Variants in SNX29 observed in about 807,000 individuals in gnomAD.
The protein encoded by SNX29 is sorting nexin 29, also known as sorting nexin-29.
Under a neutral mutation model 102.1 loss-of-function variants are expected in SNX29, and 78 were observed. That is an observed-to-expected ratio of 0.76 (90% CI 0.64 to 0.92). SNX29 has a LOEUF of 0.92. SNX29 is among the 40% of genes least tolerant of loss of function. SNX29 has a pLI of 0.00. For missense variants in SNX29, 1,280 were observed against 1,061.7 expected (o/e 1.21, Z -2.86); for synonymous variants, 580 against 414.5 (o/e 1.40, Z -4.85).
intron 15 of SNX29, among the ~76,000 whole-genome samples, chr16:12,330,578 G>A (rs1265264742): frequency 6.6e-6 from 1 of 152,212 alleles, no homozygotes; most frequent in Non-Finnish European, 1.5e-5. Flanking sequence ...CCTTTTTACA[G>A]AATATGGAAA....
At chr16:12,480,384 T>C (rs139124771) in intron 19 of SNX29, among the ~76,000 whole-genome samples, 21 of 152,298 alleles carry the variant, frequency 1.4e-4, no homozygotes, top group African/African-American at 3.8e-4. Flanking sequence ...AGCCCTCTGC[T>C]TCCATCATCA....
chr16:12,409,791 A>C (rs2084321134), intron 18 of SNX29, among the ~76,000 whole-genome samples: 2 of 152,194 alleles, frequency 1.3e-5, no homozygotes, highest in South Asian at 4.1e-4. Context: ...CTTACCTGAG[A>C]TCTTAGGTCT....
chr16:12,261,595 G>A (rs2078765968), intron 14 of SNX29, among the ~76,000 whole-genome samples: 2 of 142,216 alleles, frequency 1.4e-5, no homozygotes, highest in African/African-American at 2.6e-5. Flanking sequence ...TGGCTGGAGT[G>A]AGTGTTTGCT....
intron 11 of SNX29, among the ~76,000 whole-genome samples, chr16:12,119,744 G>A (rs2053893884): frequency 6.6e-6 from 1 of 152,234 alleles, no homozygotes; most frequent in African/African-American, 2.4e-5. Context: ...CAAGCAAGCT[G>A]GACCAGGTGT....
chr16:12,475,001 C>G (rs1428330712), intron 18 of SNX29, among the ~76,000 whole-genome samples: 1 of 152,238 alleles, frequency 6.6e-6, no homozygotes, highest in Non-Finnish European at 1.5e-5. Context: ...TCATTCCTAA[C>G]CCAAGTCCAG....
At chr16:12,185,271 C>CCACATT (rs2076482979) in intron 13 of SNX29, among the ~76,000 whole-genome samples, 1 of 152,094 alleles carries the variant, frequency 6.6e-6, no homozygotes. Flanking sequence ...TTTGGGGGAA[C>CCACATT]TGGAGGGTAC....
intron 18 of SNX29, among the ~76,000 whole-genome samples, chr16:12,455,927 C>G (rs574459013): frequency 6.6e-6 from 1 of 152,280 alleles, no homozygotes; most frequent in East Asian, 1.9e-4. Context: ...TTGGGCATCT[C>G]CAGGAACTGA....
chr16:12,276,999 T>C (rs936444365), intron 14 of SNX29, among the ~76,000 whole-genome samples: 1 of 152,206 alleles, frequency 6.6e-6, no homozygotes, highest in African/African-American at 2.4e-5. Context: ...TTACACATAC[T>C]CTGACCCCCA....
chr16:12,422,799 G>A (rs1486320353), intron 18 of SNX29, among the ~76,000 whole-genome samples: 3 of 152,220 alleles, frequency 2.0e-5, no homozygotes, highest in Admixed American at 6.5e-5. Flanking sequence ...TTCAGCCCCC[G>A]ACAGAGCAGT....
At chr16:12,536,117 C>T (rs187120786) in intron 20 of SNX29, among the ~76,000 whole-genome samples, 1 of 152,176 alleles carries the variant, frequency 6.6e-6, no homozygotes, top group Non-Finnish European at 1.5e-5. Flanking sequence ...AGGGTGAACA[C>T]AGCCCAGCTT....
chr16:12,538,998 G>C (rs887533820), intron 20 of SNX29, among the ~76,000 whole-genome samples: 1 of 152,196 alleles, frequency 6.6e-6, no homozygotes, highest in Non-Finnish European at 1.5e-5. Flanking sequence ...GAACAGACCA[G>C]TAATTCGAGC....
At chr16:12,562,687 T>C (rs12935425) in intron 20 of SNX29, among the ~76,000 whole-genome samples, 39,675 of 152,060 alleles carry the variant, frequency 0.26, 5,759 homozygotes, top group East Asian at 0.44. Context: ...AGGCACTGCC[T>C]TCTTTGGAGT....
intron 20 of SNX29, among the ~76,000 whole-genome samples, chr16:12,550,541 A>C (rs2077907568): frequency 6.6e-6 from 1 of 152,058 alleles, no homozygotes; most frequent in Non-Finnish European, 1.5e-5. Flanking sequence ...CAAAAAAAAA[A>C]AAAAAACCAA....
chr16:12,497,752 A>G (rs766096535), intron 19 of SNX29, among the ~76,000 whole-genome samples: 1 of 152,166 alleles, frequency 6.6e-6, no homozygotes, highest in African/African-American at 2.4e-5. Flanking sequence ...AGCTGCCTCA[A>G]GGCTTCCATT....
chr16:12,390,484 C>T (rs1478616391), intron 16 of SNX29, among the ~76,000 whole-genome samples: 1 of 152,148 alleles, frequency 6.6e-6, no homozygotes, highest in Non-Finnish European at 1.5e-5. Context: ...GTATGCTCTG[C>T]AAGCCCCGGG....
At chr16:12,398,829 T>G (rs2083824191) in intron 17 of SNX29, among the ~76,000 whole-genome samples, 1 of 150,722 alleles carries the variant, frequency 6.6e-6, no homozygotes, top group Non-Finnish European at 1.5e-5. Context: ...CTGCTGGAGC[T>G]GAGTAAAAGC....
chr16:12,089,126 AAAG>A (rs1596837481), intron 11 of SNX29, among the ~76,000 whole-genome samples: 1 of 89,312 alleles, frequency 1.1e-5, no homozygotes, highest in African/African-American at 4.7e-5. Context: ...GAGAGAGAGA[AAAG>A]AGAGAGAGAG....
intron 13 of SNX29, among the ~76,000 whole-genome samples, chr16:12,154,443 G>A (rs878926014): frequency 1.2e-4 from 18 of 152,110 alleles, no homozygotes; most frequent in African/African-American, 4.3e-4. Context: ...TTTTCTACCT[G>A]TCACAGCACT....
At chr16:12,559,106 G>C (rs938117008) in intron 20 of SNX29, among the ~76,000 whole-genome samples, 5 of 152,160 alleles carry the variant, frequency 3.3e-5, no homozygotes, top group Non-Finnish European at 7.4e-5. Flanking sequence ...AGGATGAGTA[G>C]TAGTCAAATC....
Sources: allele counts gnomAD v4.1 joint callset (sites outside exome capture counted in the v4.1 genomes callset), GRCh38; gene constraint gnomAD v4.1.1; transcripts MANE v1.5; gene names NCBI Gene and HGNC (gene_info 2026-07-23, HGNC 2026-07-21).